Variants in LRBA observed in about 807,000 individuals in gnomAD.
The protein encoded by LRBA is lipopolysaccharide-responsive and beige-like anchor protein.
Under a neutral mutation model 330.0 loss-of-function variants are expected in LRBA, and 176 were observed. That is an observed-to-expected ratio of 0.53 (90% CI 0.47 to 0.60). The LOEUF is 0.60. LRBA is among the 20% of genes least tolerant of loss of function. The pLI, the probability that LRBA is intolerant of heterozygous loss-of-function variation, is 0.00. For missense variants in LRBA, 3,259 were observed against 3,444.8 expected, an observed-to-expected ratio of 0.95 and a Z score of 1.35; for synonymous variants, 1,230 against 1,193.0, an observed-to-expected ratio of 1.03 and a Z score of -0.64.
At chr4:150,337,408 T>C (rs1017843269) in intron 48 of LRBA, among the ~76,000 whole-genome samples, 2 of 152,204 alleles carry the variant, frequency 1.3e-5, no homozygotes, top group South Asian at 2.1e-4. Flanking sequence ...GCAAAAGACA[T>C]AATAATGAGC....
chr4:150,513,290 C>T (rs1258348696), intron 40 of LRBA, among the ~76,000 whole-genome samples: 1 of 152,166 alleles, frequency 6.6e-6, no homozygotes, highest in Non-Finnish European at 1.5e-5. Context: ...AATTAATAGC[C>T]TTGGAAGAGA....
intron 2 of LRBA, among the ~76,000 whole-genome samples, chr4:150,964,923 T>C (rs1446753314): frequency 6.6e-6 from 1 of 152,054 alleles, no homozygotes; most frequent in South Asian, 2.1e-4. Flanking sequence ...ATAAGGGAAA[T>C]GTAAATTTAA....
chr4:150,613,215 G>A (rs1248199107), intron 37 of LRBA, among the ~76,000 whole-genome samples: 1 of 152,110 alleles, frequency 6.6e-6, no homozygotes. Flanking sequence ...CGGTCATTTG[G>A]TGATAGAAAG....
rs377155999 is a variant in LRBA at position 150,310,355 on chromosome 4, T to C, written c.7723A>G (p.Ile2575Val). 3.7e-6 allele frequency: 6 copies of C among 1,613,296 alleles called. No individual in the cohort carries two copies. The highest frequency in any genetic ancestry group is 5.1e-6 in the Non-Finnish European group (6 of 1,179,578). The change falls in exon 52 of 57, where the codon ATC (isoleucine) becomes GTC (valine). Residue 2575 changes from isoleucine (I) to valine (V), a missense_variant. Physicochemically the swap from Ile to Val is conservative, Grantham distance 29 (BLOSUM62 3). Transcript: ENST00000651943. Reference sequence around the variant, plus strand: ...ATACTTTGGTCTAAAAGGTCAGTGATTTGCCTCCTGTGCATTCCTGTATTG... The same window carrying C: ...ATACTTTGGTCTAAAAGGTCAGTGACTTGCCTCCTGTGCATTCCTGTATTG... ...ASNTGMHRRQ[I>V]TDLLDQSIQV...
At chr4:150,300,608 AT>A (rs201381189) in intron 53 of LRBA, among the ~76,000 whole-genome samples, 3 of 150,074 alleles carry the variant, frequency 2.0e-5, no homozygotes, top group Non-Finnish European at 3.0e-5. Context: ...TGGAACTTAG[AT>A]TTTTTTTTTA....
chr4:150,293,315 G>A (rs188739293), intron 53 of LRBA, among the ~76,000 whole-genome samples: 608 of 152,258 alleles, frequency 4.0e-3, no homozygotes, highest in Non-Finnish European at 4.9e-3. Context: ...GATATTAAAT[G>A]TTTCTTAAAC....
intron 56 of LRBA, among the ~76,000 whole-genome samples, chr4:150,273,566 C>A (rs574456252): frequency 1.3e-5 from 2 of 151,838 alleles, no homozygotes; most frequent in South Asian, 4.2e-4. Flanking sequence ...TTCAGGAGAC[C>A]CATCTCACAT....
At chr4:150,612,850 T>C (rs559008189) in intron 37 of LRBA, among the ~76,000 whole-genome samples, 1 of 151,426 alleles carries the variant, frequency 6.6e-6, no homozygotes, top group Admixed American at 6.6e-5. Flanking sequence ...AAACCCAGAG[T>C]GATAGAAAGG....
chr4:150,983,282 A>G (rs1741058600), intron 2 of LRBA, among the ~76,000 whole-genome samples: 1 of 151,756 alleles, frequency 6.6e-6, no homozygotes, highest in Non-Finnish European at 1.5e-5. Context: ...CATGGCAAAA[A>G]CCATCTCTAC....
rs1553965868 is a variant in LRBA at position 150,806,354 on chromosome 4, CGAAGGAGAGGA to C, written c.5424_5434del (p.Pro1809Ter). On this transcript the variant is annotated frameshift_variant, in exon 33 of 57. Coordinates refer to ENST00000651943, the MANE Select transcript of LRBA (RefSeq NM_001364905.1). LOFTEE classifies it high-confidence loss of function. Reference sequence around the variant, plus strand: ...AGGTGCAAAATCCACAAAAATCTCACGAAGGAGAGGAGCTGCCTTTTCCAAAGCGTGTTCAA... The same window carrying C: ...AGGTGCAAAATCCACAAAAATCTCACGCTGCCTTTTCCAAAGCGTGTTCAA... 1 of 1,610,652 alleles carries C rather than the reference CGAAGGAGAGGA, an allele frequency of 6.2e-7. No homozygotes were observed. The highest frequency in any genetic ancestry group is 8.5e-7 in the Non-Finnish European group (1 of 1,178,392).
intron 36 of LRBA, among the ~76,000 whole-genome samples, chr4:150,705,065 A>G (rs1393329229): frequency 6.6e-6 from 1 of 152,200 alleles, no homozygotes; most frequent in Non-Finnish European, 1.5e-5. Flanking sequence ...AAAATTTGAC[A>G]GAAGTTTAAA....
chr4:150,424,105 T>C (rs1749211757), intron 46 of LRBA, among the ~76,000 whole-genome samples: 1 of 152,234 alleles, frequency 6.6e-6, no homozygotes, highest in African/African-American at 2.4e-5. Flanking sequence ...GGACTTTACA[T>C]GTGAATTTAA....
At position 150,817,035 on chromosome 4, in the gene LRBA, C is replaced by T. The variant is rs1047742541; in HGVS notation, c.5305+89G>A. The T allele has an allele frequency of 6.3e-6, 7 of 1,115,322 alleles. No homozygotes were observed. In the African/African-American group the frequency reaches 1.1e-4, roughly 17 times the overall value. The allele number at this position is 1,115,322 out of a possible 1,614,324, so 69.1% of individuals were successfully genotyped here. On this transcript the variant is annotated intron_variant, in intron 31 of 56. Coordinates refer to ENST00000651943, the MANE Select transcript of LRBA (RefSeq NM_001364905.1). ...AAAAGTACAATGGTTTCTAATGTGCCCCCAAATTTTAAGTTAATCAAAAAT... is the reference window on the plus strand; with the variant it reads ...AAAAGTACAATGGTTTCTAATGTGCTCCCAAATTTTAAGTTAATCAAAAAT...
Position 150,599,140 on chromosome 4 carries a change from A to G in LRBA, c.5922-9T>C. ...AGAACTCAAGAGGACGACTACAATG[A>G]AACAGAGAAGCCACATATGTTAGCA... On this transcript the variant is annotated splice_polypyrimidine_tract_variant and intron_variant, in intron 37 of 56. Transcript: ENST00000651943. 6.2e-7 allele frequency: 1 copy of G among 1,613,812 alleles called. No homozygotes were observed. Among genetic ancestry groups the G allele is most frequent in the East Asian group, 2.2e-5 (1 of 44,874 alleles).
At chr4:150,485,259 T>A (rs1056995043) in intron 42 of LRBA, among the ~76,000 whole-genome samples, 1 of 151,950 alleles carries the variant, frequency 6.6e-6, no homozygotes, top group Non-Finnish European at 1.5e-5. Flanking sequence ...TCCACTTTTG[T>A]CTTATGAATT....
At chr4:150,845,253 T>G (rs560064396) in intron 26 of LRBA, among the ~76,000 whole-genome samples, 38 of 152,286 alleles carry the variant, frequency 2.5e-4, no homozygotes, top group Non-Finnish European at 4.9e-4. Flanking sequence ...AACTTTGATG[T>G]TCTTCTTATA....
intron 40 of LRBA, among the ~76,000 whole-genome samples, chr4:150,493,393 T>A (rs1179268433): frequency 6.6e-6 from 1 of 152,210 alleles, no homozygotes; most frequent in Non-Finnish European, 1.5e-5. Context: ...CTACTTCCAA[T>A]GCCTAGAAAA....
intron 37 of LRBA, among the ~76,000 whole-genome samples, chr4:150,621,941 A>G (rs1776334354): frequency 6.6e-6 from 1 of 152,212 alleles, no homozygotes; most frequent in Non-Finnish European, 1.5e-5. Flanking sequence ...ATGGAAACCA[A>G]AACAGTTGGG....
At chr4:150,707,495 G>A (rs980139382) in intron 36 of LRBA, among the ~76,000 whole-genome samples, 6 of 151,648 alleles carry the variant, frequency 4.0e-5, no homozygotes, top group African/African-American at 1.4e-4. Context: ...GTTTAAAAAT[G>A]GAAGGGTCTG....
Sources: gnomAD v4.1 joint callset for allele counts (sites outside exome capture counted in the v4.1 genomes callset) on GRCh38, gnomAD v4.1.1 for gene constraint, MANE v1.5 for transcripts, NCBI Gene and HGNC (gene_info 2026-07-23, HGNC 2026-07-21) for gene names.